Variants in PTPRC observed in about 807,000 individuals in gnomAD.
PTPRC encodes protein tyrosine phosphatase receptor type C.
In PTPRC, 44 loss-of-function variants were observed where a neutral mutation model predicts 155.9. The ratio of observed to expected loss-of-function variants is 0.28; its 90% confidence interval spans 0.22 to 0.36. The LOEUF is 0.36. PTPRC is among the 10% of genes least tolerant of loss of function. The pLI is 1.00. For missense variants in PTPRC, 1,401 were observed against 1,564.6 expected, an observed-to-expected ratio of 0.90 and a Z score of 1.76; for synonymous variants, 525 against 533.1, an observed-to-expected ratio of 0.98 and a Z score of 0.21.
intron 2 of PTPRC, among the ~76,000 whole-genome samples, chr1:198,673,496 C>T (rs1046046068): frequency 5.9e-5 from 9 of 152,114 alleles, no homozygotes; most frequent in Non-Finnish European, 8.8e-5. Context: ...CCTAGTATAA[C>T]GCATGATACA....
chr1:198,715,161 C>T (rs1439618081), intron 12 of PTPRC, among the ~76,000 whole-genome samples: 4 of 152,068 alleles, frequency 2.6e-5, no homozygotes, highest in Non-Finnish European at 5.9e-5. Flanking sequence ...CTCCCTCTGT[C>T]GCCCAGGCTG....
chr1:198,726,236 A>T (rs1654126790), intron 15 of PTPRC, among the ~76,000 whole-genome samples: 2 of 152,204 alleles, frequency 1.3e-5, no homozygotes, highest in African/African-American at 4.8e-5. Flanking sequence ...AAATCTGGAA[A>T]CAATCATGCT....
chr1:198,750,315 T>C (rs553795215), intron 28 of PTPRC, 177 bp from the exon 29 acceptor site: 628 of 658,102 alleles, frequency 9.5e-4, no homozygotes, highest in Non-Finnish European at 1.5e-3. Context: ...TACTATTATC[T>C]GTATAATTAT....
rs1654275835 is a variant in PTPRC at position 198,729,166 on chromosome 1, A to G, written c.1859A>G (p.Glu620Gly). Residue 620 changes from glutamate to glycine, a missense_variant, in exon 17 of 33, where the codon GAA becomes GGA. By Grantham distance (98) the Glu-to-Gly change is moderately conservative. Around this residue, in one of 3 missense-constraint regions of PTPRC, gnomAD observed 867 missense variants for 970.4 expected, o/e 0.89. Coordinates refer to ENST00000442510, the MANE Select transcript of PTPRC (RefSeq NM_002838.5). ...TTAGATGAACAGCAGGAGCTTGTTG[A>G]AAGGGGTAAGTATGTATATTTTTGC... ...CNLDEQQELV[E>G]RDDEKQLMNV... 6.2e-7 allele frequency: 1 copy of G among 1,611,166 alleles called. No individual in the cohort carries two copies. Among genetic ancestry groups the G allele is most frequent in the Non-Finnish European group, 8.5e-7 (1 of 1,178,442 alleles).
chr1:198,661,339 A>AT (rs1461456186), intron 2 of PTPRC, among the ~76,000 whole-genome samples: 2 of 150,030 alleles, frequency 1.3e-5, no homozygotes, highest in African/African-American at 4.9e-5. Context: ...ATAAATCAAT[A>AT]TATTAATATA....
chr1:198,655,816 T>C (rs1663533539), intron 2 of PTPRC, among the ~76,000 whole-genome samples: 2 of 152,080 alleles, frequency 1.3e-5, no homozygotes, highest in South Asian at 2.1e-4. Flanking sequence ...TCTCCAGGCA[T>C]TGCCAAATGT....
chr1:198,650,380 G>A (rs1663179046), intron 2 of PTPRC, among the ~76,000 whole-genome samples: 1 of 151,872 alleles, frequency 6.6e-6, no homozygotes, highest in Non-Finnish European at 1.5e-5. Context: ...AGACTGAATG[G>A]GAGGATGGAG....
chr1:198,642,385 T>TATCTATC (rs1553229134), intron 2 of PTPRC, among the ~76,000 whole-genome samples: 9 of 151,952 alleles, frequency 5.9e-5, no homozygotes, highest in Admixed American at 5.3e-4. Context: ...TCTATCTATC[T>TATCTATC]ATCTATCTAT....
chr1:198,675,958 C>T (rs1192636506), intron 2 of PTPRC, among the ~76,000 whole-genome samples: 1 of 152,040 alleles, frequency 6.6e-6, no homozygotes, highest in Admixed American at 6.5e-5. Context: ...ACCTCAAGAT[C>T]GAAGCTCTGG....
rs541476557 is a variant in PTPRC, at chr1:198,735,013, C to G, written c.2278-114C>G. ...GTTTATATGTGCTTAAACTATACAACTGTTTTGAGAATTTCAAATGAGTAT... is the reference window on the plus strand; with the variant it reads ...GTTTATATGTGCTTAAACTATACAAGTGTTTTGAGAATTTCAAATGAGTAT... On this transcript the variant is annotated intron_variant, in intron 22 of 32. Transcript: ENST00000442510. 7.5e-6 allele frequency: 7 copies of G among 930,394 alleles called. No individual in the cohort carries two copies. The Admixed American group carries it at 1.7e-4, about 23-fold the overall frequency. 57.6% of individuals were successfully genotyped at this position (930,394 alleles called of 1,614,324 possible).
chr1:198,709,573 G>A, intron 10 of PTPRC, 114 bp from the exon 11 acceptor site: 1 of 925,944 alleles, frequency 1.1e-6, no homozygotes, highest in Non-Finnish European at 1.5e-6. Context: ...AATTTCCACA[G>A]ATGTTTCAAT....
At chr1:198,686,434 T>C (rs1364367091) in intron 2 of PTPRC, among the ~76,000 whole-genome samples, 1 of 152,172 alleles carries the variant, frequency 6.6e-6, no homozygotes, top group African/African-American at 2.4e-5. Context: ...AAAGTCAAAG[T>C]GTAGAATGTA....
intron 2 of PTPRC, among the ~76,000 whole-genome samples, chr1:198,676,982 A>G (rs1664991104): frequency 6.6e-6 from 1 of 152,222 alleles, no homozygotes; most frequent in African/African-American, 2.4e-5. Flanking sequence ...GATTCAGAGA[A>G]TGGATGGCTC....
intron 15 of PTPRC, among the ~76,000 whole-genome samples, chr1:198,727,591 G>A (rs1654197370): frequency 6.6e-6 from 1 of 152,086 alleles, no homozygotes; most frequent in Non-Finnish European, 1.5e-5. Flanking sequence ...AAGGAATCTG[G>A]CCAAGTTCCC....
chr1:198,642,907 C>CTTG (rs1662686632), intron 2 of PTPRC, among the ~76,000 whole-genome samples: 12 of 93,688 alleles, frequency 1.3e-4, no homozygotes, highest in African/African-American at 4.1e-4. Flanking sequence ...TTTCTTTCTT[C>CTTG]CTTTCTTTCT....
rs1015347466 is a variant in PTPRC, at chr1:198,757,150, C to T, written c.*969C>T. On this transcript the variant is annotated 3_prime_UTR_variant, in exon 33 of 33. Transcript: ENST00000442510. ...AATATGATATTGCATATGCATAGTT[C>T]CCATGTTAAATCCCATTCATAACTT... The T allele has an allele frequency of 2.6e-5, 4 of 151,296 alleles. No homozygotes were observed. Among genetic ancestry groups the T allele is most frequent in the Non-Finnish European group, 4.4e-5 (3 of 67,656 alleles). 9.4% of individuals were successfully genotyped at this position (151,296 alleles called of 1,614,324 possible).
In PTPRC at chr1:198,742,322, T is replaced by C. The variant is rs765838909; in HGVS notation, c.2652T>C (p.Tyr884=). The change falls in exon 25 of 33, where the codon TAT becomes TAC. Residue 884 remains tyrosine (Y), a synonymous_variant. Transcript: ENST00000442510. ...EAENKVDVYG[Y]VVKLRRQRCL... Reference sequence around the variant, plus strand: ...AGAACAAAGTGGATGTTTATGGTTATGTTGTCAAGCTAAGGCGACAGAGAT... The same window carrying C: ...AGAACAAAGTGGATGTTTATGGTTACGTTGTCAAGCTAAGGCGACAGAGAT... 1 of 1,612,360 alleles carries C rather than the reference T, an allele frequency of 6.2e-7. No individual in the cohort carries two copies. Among genetic ancestry groups the C allele is most frequent in the Non-Finnish European group, 8.5e-7 (1 of 1,178,888 alleles).
chr1:198,693,472 G>A (rs1174255713), intron 3 of PTPRC, among the ~76,000 whole-genome samples: 1 of 152,160 alleles, frequency 6.6e-6, no homozygotes, highest in African/African-American at 2.4e-5. Context: ...TGCAGGAAAG[G>A]GATAGGTATA....
rs1179605336 is a variant in PTPRC, at chr1:198,718,316, C to T, written c.1659+14C>T. 6.4e-7 allele frequency: 1 copy of T among 1,574,490 alleles called. No individual in the cohort carries two copies. On this transcript the variant is annotated intron_variant, in intron 14 of 32. Coordinates refer to ENST00000442510, the MANE Select transcript of PTPRC (RefSeq NM_002838.5). ...TACACTTTTAAGGTAAAAGTATGCT[C>T]TCTACATTACTATAGTACCAACTAC...
Sources: allele counts gnomAD v4.1 joint callset (sites outside exome capture counted in the v4.1 genomes callset), GRCh38; gene constraint gnomAD v4.1.1; regional missense constraint gnomAD v4.1.1; transcripts MANE v1.5; gene names NCBI Gene and HGNC (gene_info 2026-07-23, HGNC 2026-07-21).